The following MYOM2 variants were observed in gnomAD, a reference collection of about 807,000 sequenced individuals.
The protein encoded by MYOM2 is myomesin-2.
MYOM2 carries 254 observed loss-of-function variants against 187.6 expected under a neutral mutation model. The ratio of observed to expected loss-of-function variants is 1.35; its 90% CI spans 1.22 to 1.50. The LOEUF (loss-of-function observed/expected upper bound fraction) is 1.50, where lower values mean the gene tolerates loss of function less well. MYOM2 is among the 40% of genes most tolerant of loss of function. The probability of loss-of-function intolerance (pLI) is 0.00; values close to 1 mark genes in which losing one functional copy is unlikely to be tolerated. For synonymous variants in MYOM2, 981 were observed against 753.8 expected (o/e 1.30, Z -4.94); for missense variants, 2,796 against 1,924.0 (o/e 1.45, Z -8.48).
intron 28 of MYOM2, among the ~76,000 whole-genome samples, chr8:2,118,328 C>T (rs1797314943): frequency 6.6e-6 from 1 of 152,154 alleles, no homozygotes. Context: ...CAAGATACTT[C>T]TTTCAGTTTC....
intron 2 of MYOM2, among the ~76,000 whole-genome samples, chr8:2,051,491 G>T (rs112259090): frequency 6.6e-6 from 1 of 152,192 alleles, no homozygotes; most frequent in Non-Finnish European, 1.5e-5. Context: ...GGGAGGGACC[G>T]CGGGCAGGCG....
intron 23 of MYOM2, 42 bp downstream of exon 23, chr8:2,106,639 CA>C (rs1363861503): frequency 7.1e-7 from 1 of 1,411,268 alleles, no homozygotes; most frequent in Non-Finnish European, 9.8e-7. Flanking sequence ...TTGGTTTTAT[CA>C]CACTTTCAAA....
In MYOM2 at chr8:2,128,997, G is replaced by T. The variant is rs941218762; in HGVS notation, c.3695-130G>T. 2.0e-5 allele frequency: 12 copies of T among 592,144 alleles called. No homozygotes were observed. The African/African-American group carries it at 2.0e-4, about 10-fold the overall frequency. The allele number at this position is 592,144 out of a possible 1,614,324, so 36.7% of individuals were successfully genotyped here. On this transcript the variant is annotated intron_variant, in intron 31 of 36. Transcript: ENST00000262113. ...AAAGTATAAGAATTTGTGGCTGGCC[G>T]ACTTTATGAGAGACACAAGTGAGAA...
At chr8:2,048,204 C>G (rs551355381) in intron 1 of MYOM2, among the ~76,000 whole-genome samples, 4 of 152,218 alleles carry the variant, frequency 2.6e-5, no homozygotes, top group Admixed American at 6.5e-5. Context: ...ATTGCTCATG[C>G]GTCTGCTGGA....
chr8:2,085,376 T>G lies in MYOM2; in HGVS notation c.1630T>G (p.Tyr544Asp), dbSNP rs750809652. Residue 544 changes from tyrosine to aspartate, a missense_variant, in exon 14 of 37, where the codon TAC (tyrosine) becomes GAC (aspartate). Tyr to Asp is a radical substitution (Grantham distance 160). Transcript: ENST00000262113. ...TCCCCGTGGCAAGGACCCGCTCATG[T>G]ACTTCATTGAGAAGGTAAACTCCGG... ...PTPRGKDPLM[Y>D]FIEKSVVGSG... is the part of the protein sequence containing the mutation. 9 of 1,612,530 alleles carry G rather than the reference T, an allele frequency of 5.6e-6. No individual in the cohort carries two copies. In the South Asian group the frequency reaches 9.9e-5, roughly 18 times the overall value.
At chr8:2,046,168 A>C (rs1818305194) in intron 1 of MYOM2, among the ~76,000 whole-genome samples, 1 of 152,226 alleles carries the variant, frequency 6.6e-6, no homozygotes, top group African/African-American at 2.4e-5. Context: ...TAACTGTACA[A>C]ACAATTTCCT....
chr8:2,128,935 T>C (rs1377570542), intron 31 of MYOM2, among the ~76,000 whole-genome samples, 192 bp from the exon 32 acceptor site: 12 of 152,180 alleles, frequency 7.9e-5, no homozygotes, highest in Admixed American at 7.9e-4. Flanking sequence ...TCTAGCATGG[T>C]AAGAGCTTGT....
At chr8:2,059,293 T>C (rs538579762) in intron 6 of MYOM2, 48 bp downstream of exon 6, 9 of 1,548,884 alleles carry the variant, frequency 5.8e-6, no homozygotes, top group Non-Finnish European at 8.0e-6. Context: ...GTAATCAGCA[T>C]TGCAGACCCC....
chr8:2,090,723 G>A (rs1796272167), intron 15 of MYOM2, among the ~76,000 whole-genome samples: 2 of 152,144 alleles, frequency 1.3e-5, no homozygotes, highest in Non-Finnish European at 2.9e-5. Flanking sequence ...TTTGGTATTT[G>A]GTTTTCTGTT....
rs375524208 is a variant in MYOM2 at position 2,059,271 on chromosome 8, C to A, written c.653+26C>A. On this transcript the variant is annotated intron_variant, in intron 6 of 36. Coordinates refer to ENST00000262113, the MANE Select transcript of MYOM2 (RefSeq NM_003970.4). The stretch of plus-strand genomic sequence containing the variant: ...GTATGGCTGTGGTGGGGGCTCTGGA[C>A]GCTGGCGTCCAGTAATCAGCATTGC... 4 of 1,601,884 alleles carry A rather than the reference C, an allele frequency of 2.5e-6. No individual in the cohort carries two copies. The East Asian group carries it at 6.7e-5, about 27-fold the overall frequency.
At chr8:2,141,293 C>G (rs958015319) in intron 34 of MYOM2, 116 bp downstream of exon 34, 3 of 833,326 alleles carry the variant, frequency 3.6e-6, no homozygotes, top group Non-Finnish European at 5.8e-6. Flanking sequence ...AGAGCCATTC[C>G]TGGGACAGAA....
At position 2,116,156 on chromosome 8, in the gene MYOM2, T is replaced by C. The variant is rs1433578492; in HGVS notation, c.3325+52T>C. 7 of 1,602,218 alleles carry C rather than the reference T, an allele frequency of 4.4e-6. No individual in the cohort carries two copies. In the Admixed American group the frequency reaches 1.2e-4, roughly 28 times the overall value. On this transcript the variant is annotated intron_variant, in intron 26 of 36. Transcript: ENST00000262113. Reference sequence around the variant, plus strand: ...CCATACAAGATAATTCAAATGAAATTCTTTTGACTGGAGAGAAGCAAACAT... The same window carrying C: ...CCATACAAGATAATTCAAATGAAATCCTTTTGACTGGAGAGAAGCAAACAT...
chr8:2,053,763 G>A (rs535606372), intron 3 of MYOM2, among the ~76,000 whole-genome samples: 15 of 152,326 alleles, frequency 9.8e-5, no homozygotes, highest in Admixed American at 5.2e-4. Flanking sequence ...TAGTAGAGAC[G>A]GGGGACGAAG....
intron 25 of MYOM2, among the ~76,000 whole-genome samples, chr8:2,112,242 G>C (rs1185614373): frequency 6.6e-6 from 1 of 152,168 alleles, no homozygotes; most frequent in Non-Finnish European, 1.5e-5. Context: ...GGAGGACAGA[G>C]AAGAAAGATA....
In MYOM2 at chr8:2,102,761, T is replaced by C; in HGVS notation, c.2714T>C (p.Val905Ala). ...AAGCCCTCAGACACGTCGGAGCCTG[T>C]GCTGGTAGAGGCGAGACCAGGTAAG... is the stretch of plus-strand genomic sequence containing the variant. ...VGKPSDTSEP[V>A]LVEARPGTKE... The change falls in exon 21 of 37, where the codon GTG becomes GCG. Residue 905 changes from valine (V) to alanine (A), a missense_variant. Val to Ala is a moderately conservative substitution (Grantham distance 64, BLOSUM62 0). Transcript: ENST00000262113. 1 of 1,613,724 alleles carries C rather than the reference T, an allele frequency of 6.2e-7. No homozygotes were observed. Among genetic ancestry groups the C allele is most frequent in the Non-Finnish European group, 8.5e-7 (1 of 1,179,640 alleles).
intron 25 of MYOM2, among the ~76,000 whole-genome samples, chr8:2,110,580 C>T (rs1179956080): frequency 6.6e-6 from 1 of 152,086 alleles, no homozygotes; most frequent in African/African-American, 2.4e-5. Flanking sequence ...TCTCAGAGCC[C>T]CCATCTTTAC....
chr8:2,089,939 T>A, intron 14 of MYOM2, 69 bp from the exon 15 acceptor site: 1 of 1,478,552 alleles, frequency 6.8e-7, no homozygotes, highest in Non-Finnish European at 9.3e-7. Flanking sequence ...GAGCATTTCT[T>A]CCTCCTCCAC....
Position 2,086,385 on chromosome 8 carries a change from C to CCCCCTACTGTCGTGAT in MYOM2, c.1644+996_1644+997insCCCTACTGTCGTGATC, listed in dbSNP as rs1796053365. Among the ~76,000 whole-genome samples, 10 of 116,526 alleles carry CCCCCTACTGTCGTGAT rather than the reference C, an allele frequency of 8.6e-5. 3 individuals are homozygous for CCCCCTACTGTCGTGAT. The highest frequency in any genetic ancestry group is 1.5e-4 in the Non-Finnish European group (9 of 58,838). The allele number at this position is 116,526 out of a possible 152,430, so 76.4% of individuals were successfully genotyped here. A position where few individuals can be genotyped will look rare whatever the true frequency, so the allele number is the denominator to read the frequency against. ...TCCCACTGTTGTGATCTCTGCGTGG[C>CCCCCTACTGTCGTGAT]CTCCCACTGTTGTGATCTCTGCGTG... On this transcript the variant is annotated intron_variant, in intron 14 of 36. Coordinates refer to ENST00000262113, the MANE Select transcript of MYOM2 (RefSeq NM_003970.4).
At chr8:2,144,011 T>G (rs964868517) in intron 36 of MYOM2, among the ~76,000 whole-genome samples, 1 of 152,238 alleles carries the variant, frequency 6.6e-6, no homozygotes, top group African/African-American at 2.4e-5. Context: ...GTCTGGTTGC[T>G]TCAGTGGGTC....
Sources: allele counts gnomAD v4.1 joint callset (sites outside exome capture counted in the v4.1 genomes callset), GRCh38; gene constraint gnomAD v4.1.1; transcripts MANE v1.5; gene names NCBI Gene and HGNC (gene_info 2026-07-23, HGNC 2026-07-21).